The following JAKMIP2 variants were observed in gnomAD, a reference collection of about 807,000 sequenced individuals.
The protein encoded by JAKMIP2 is janus kinase and microtubule-interacting protein 2.
In JAKMIP2, 25 loss-of-function variants were observed where a neutral mutation model predicts 115.0. The ratio of observed to expected loss-of-function variants is 0.22; its 90% CI spans 0.16 to 0.30. The LOEUF is 0.30. Ranked by LOEUF, JAKMIP2 falls within the 10% of genes least tolerant of loss-of-function variation. The pLI is 1.00. For missense variants in JAKMIP2, 642 were observed against 957.6 expected, an observed-to-expected ratio of 0.67 and a Z score of 4.35; for synonymous variants, 334 against 343.6, an observed-to-expected ratio of 0.97 and a Z score of 0.31.
chr5:147,703,729 C>A (rs1752463758), intron 1 of JAKMIP2, among the ~76,000 whole-genome samples: 1 of 151,678 alleles, frequency 6.6e-6, no homozygotes, highest in Non-Finnish European at 1.5e-5. Context: ...TTGGCCTTTA[C>A]TTTAACTTGT....
At chr5:147,604,075 A>G (rs1412646122) in intron 20 of JAKMIP2, among the ~76,000 whole-genome samples, 2 of 152,154 alleles carry the variant, frequency 1.3e-5, no homozygotes, top group Non-Finnish European at 2.9e-5. Flanking sequence ...GCCATTCACA[A>G]GTGTGGAAAA....
Position 147,621,733 on chromosome 5 carries a change from G to C in JAKMIP2, c.2065-990C>G, listed in dbSNP as rs80210566. 6.5e-3 allele frequency among the ~76,000 whole-genome samples: 986 copies of C among 152,252 alleles called. 53 individuals carry two copies. The East Asian group carries it at 0.13, about 20-fold the overall frequency. On this transcript the variant is annotated intron_variant, in intron 17 of 21. Transcript: ENST00000616793. ...AACCTCTTAGTAAAATGTGAGCACT[G>C]TATAAAATATAAGCAAATTATAAGC... is the stretch of plus-strand genomic sequence containing the variant.
chr5:147,610,617 C>T (rs892346050), intron 20 of JAKMIP2, among the ~76,000 whole-genome samples: 1 of 152,150 alleles, frequency 6.6e-6, no homozygotes, highest in South Asian at 2.1e-4. Flanking sequence ...AGGTGTCTGT[C>T]GAACCCTCCT....
At chr5:147,632,603 G>C in intron 13 of JAKMIP2, 77 bp downstream of exon 13, 2 of 915,546 alleles carry the variant, frequency 2.2e-6, no homozygotes, top group South Asian at 1.5e-5. Context: ...GCTTAATACA[G>C]CGCCTAGCTC....
chr5:147,734,652 CAA>C (rs199523482), intron 1 of JAKMIP2, among the ~76,000 whole-genome samples: 98 of 140,048 alleles, frequency 7.0e-4, no homozygotes, highest in African/African-American at 2.1e-3. Flanking sequence ...TACTATAATA[CAA>C]AAAAAAAAAA....
At chr5:147,766,553 G>A (rs1485505809) in intron 1 of JAKMIP2, among the ~76,000 whole-genome samples, 1 of 152,028 alleles carries the variant, frequency 6.6e-6, no homozygotes, top group Non-Finnish European at 1.5e-5. Context: ...AATCAGAGCT[G>A]GGATAAGTGA....
chr5:147,673,711 G>C (rs1411364088), intron 1 of JAKMIP2, among the ~76,000 whole-genome samples: 1 of 152,042 alleles, frequency 6.6e-6, no homozygotes, highest in Non-Finnish European at 1.5e-5. Flanking sequence ...TTTAGTCTTG[G>C]AATGAATTCA....
chr5:147,706,163 A>G (rs1264836530), intron 1 of JAKMIP2, among the ~76,000 whole-genome samples: 1 of 152,194 alleles, frequency 6.6e-6, no homozygotes, highest in African/African-American at 2.4e-5. Context: ...ATATCGGAAA[A>G]TAAAATTTAG....
chr5:147,662,403 G>A (rs545095841), intron 2 of JAKMIP2, among the ~76,000 whole-genome samples: 2 of 152,140 alleles, frequency 1.3e-5, no homozygotes, highest in Admixed American at 6.5e-5. Context: ...CAGGAATTCC[G>A]GTTTAAAACT....
At chr5:147,668,698 C>G (rs962015341) in intron 2 of JAKMIP2, among the ~76,000 whole-genome samples, 4 of 152,166 alleles carry the variant, frequency 2.6e-5, no homozygotes, top group African/African-American at 9.7e-5. Context: ...TTGACACAAA[C>G]TAATTGCTCA....
intron 1 of JAKMIP2, among the ~76,000 whole-genome samples, chr5:147,684,069 C>T (rs950298151): frequency 1.3e-5 from 2 of 152,020 alleles, no homozygotes; most frequent in Non-Finnish European, 2.9e-5. Flanking sequence ...TCAGTGCTCA[C>T]CTACATTTTC....
intron 1 of JAKMIP2, among the ~76,000 whole-genome samples, chr5:147,752,570 C>A (rs1429814424): frequency 1.3e-5 from 2 of 152,064 alleles, no homozygotes; most frequent in East Asian, 3.9e-4. Context: ...ACCTTAAGGC[C>A]CACAAAACCT....
Position 147,618,049 on chromosome 5 carries a change from A to G in JAKMIP2, c.2208T>C (p.Gly736=), listed in dbSNP as rs1250770744. 6.2e-7 allele frequency: 1 copy of G among 1,614,020 alleles called. No individual in the cohort carries two copies. The highest frequency in any genetic ancestry group is 1.3e-5 in the African/African-American group (1 of 74,940). ...ALQQETVIKF[G]ELLSEKQQEE... ...CTTGCTGTTTTTCACTTAATAATTC[A>G]CCAAACTTGATAACAGTTTCTTGCT... Residue 736 remains glycine (G), a synonymous_variant, in exon 19 of 22, where the codon GGT becomes GGC. Transcript: ENST00000616793.
At position 147,640,776 on chromosome 5, in the gene JAKMIP2, A is replaced by G. The variant is rs544471261; in HGVS notation, c.1329T>C (p.Asp443=). Residue 443 remains aspartate, a synonymous_variant, in exon 9 of 22, where the codon GAT becomes GAC. Transcript: ENST00000616793. ...PFIGYDEDSM[D]SETSSMASFR... ...ATGAGGCCATGGATGATGTCTCTGAATCCATAGAGTCCTCATCATAGCCAA... is the reference window on the plus strand; with the variant it reads ...ATGAGGCCATGGATGATGTCTCTGAGTCCATAGAGTCCTCATCATAGCCAA... 1.2e-6 allele frequency: 2 copies of G among 1,613,466 alleles called. No homozygotes were observed. The highest frequency in any genetic ancestry group is 1.7e-6 in the Non-Finnish European group (2 of 1,179,550).
chr5:147,640,732 G>A lies in JAKMIP2; in HGVS notation c.1373C>T (p.Pro458Leu), dbSNP rs1478017064. Residue 458 changes from proline to leucine, a missense_variant, in exon 9 of 22, where the codon CCA becomes CTA. Pro to Leu is a moderately conservative substitution (Grantham distance 98). Around this residue, in one of 6 missense-constraint regions of JAKMIP2, gnomAD observed 439 missense variants for 570.9 expected, o/e 0.77. Transcript: ENST00000616793. ...SMASFRTDRT[P>L]ATPDDDLDES... Reference sequence around the variant, plus strand: ...ATCCAAGTCATCATCAGGAGTAGCTGGTGTTCTGTCTGTTCTAAATGAGGC... The same window carrying A: ...ATCCAAGTCATCATCAGGAGTAGCTAGTGTTCTGTCTGTTCTAAATGAGGC... The A allele has an allele frequency of 6.2e-7, 1 of 1,613,742 alleles. No individual in the cohort carries two copies. The highest frequency in any genetic ancestry group is 1.1e-5 in the South Asian group (1 of 91,070).
Position 147,669,091 on chromosome 5 carries a change from G to A in JAKMIP2, c.129+2587C>T, listed in dbSNP as rs369887234. On this transcript the variant is annotated intron_variant, in intron 2 of 21. Coordinates refer to ENST00000616793, the MANE Select transcript of JAKMIP2 (RefSeq NM_001270941.2). ...CTGTCATTTTGTCATCAGAGCCTCAGAGCCAACCTGAGAGTATAAATTCAC... is the reference window on the plus strand; with the variant it reads ...CTGTCATTTTGTCATCAGAGCCTCAAAGCCAACCTGAGAGTATAAATTCAC... 1.4e-3 allele frequency among the ~76,000 whole-genome samples: 211 copies of A among 152,246 alleles called. 6 individuals are homozygous for A. The South Asian group carries it at 0.041, about 30-fold the overall frequency.
chr5:147,754,949 T>C (rs1754690854), intron 1 of JAKMIP2, among the ~76,000 whole-genome samples: 1 of 151,956 alleles, frequency 6.6e-6, no homozygotes, highest in Non-Finnish European at 1.5e-5. Flanking sequence ...TCAAGGAGCT[T>C]TGGGGGTAGG....
intron 1 of JAKMIP2, among the ~76,000 whole-genome samples, chr5:147,672,811 C>T (rs1467823328): frequency 1.3e-5 from 2 of 151,862 alleles, no homozygotes; most frequent in African/African-American, 4.8e-5. Context: ...AAGCAGGTGC[C>T]GAGACACAAC....
At chr5:147,745,842 C>G (rs923847636) in intron 1 of JAKMIP2, among the ~76,000 whole-genome samples, 3 of 152,154 alleles carry the variant, frequency 2.0e-5, no homozygotes, top group Admixed American at 6.5e-5. Context: ...TTGTCAGAGA[C>G]TCTCTGAGTC....
Sources: gnomAD v4.1 joint callset for allele counts (sites outside exome capture counted in the v4.1 genomes callset) on GRCh38, gnomAD v4.1.1 for gene constraint, gnomAD v4.1.1 regional missense constraint, MANE v1.5 for transcripts, NCBI Gene and HGNC (gene_info 2026-07-23, HGNC 2026-07-21) for gene names.